The following SH3D19 variants were observed in gnomAD, a reference collection of about 807,000 sequenced individuals.
SH3D19 encodes the protein SH3 domain-containing protein 19.
SH3D19 carries 58 observed loss-of-function variants against 112.1 expected under a neutral mutation model. The observed-to-expected ratio is 0.52, with a 90% CI of 0.42 to 0.64. The LOEUF (loss-of-function observed/expected upper bound fraction) is 0.64, where lower values mean the gene tolerates loss of function less well. Among genes scored for constraint, SH3D19 ranks in the 30% least tolerant of loss-of-function variants. The pLI is 0.00. For missense variants in SH3D19, 1,090 were observed against 1,263.4 expected (o/e 0.86, Z 2.08); for synonymous variants, 391 against 448.5 (o/e 0.87, Z 1.62).
At chr4:151,152,707 C>T (rs1473568032) in intron 9 of SH3D19, among the ~76,000 whole-genome samples, 11 of 149,094 alleles carry the variant, frequency 7.4e-5, no homozygotes, top group African/African-American at 2.0e-4. Flanking sequence ...TTAGTAGAGA[C>T]GGGGTTTCAC....
At chr4:151,244,091 C>A (rs1770753828) in intron 1 of SH3D19, among the ~76,000 whole-genome samples, 1 of 152,110 alleles carries the variant, frequency 6.6e-6, no homozygotes, top group Non-Finnish European at 1.5e-5. Context: ...TGGCTATTAG[C>A]CCCTGAATTT....
At chr4:151,145,672 G>A (rs1426549903) in intron 11 of SH3D19, among the ~76,000 whole-genome samples, 1 of 152,172 alleles carries the variant, frequency 6.6e-6, no homozygotes, top group Non-Finnish European at 1.5e-5. Flanking sequence ...TGCGTGACAA[G>A]AACCAAATGT....
In SH3D19 at chr4:151,135,127, A is replaced by G. The variant is rs1449737973; in HGVS notation, c.2433T>C (p.Asp811=). 6.2e-7 allele frequency: 1 copy of G among 1,603,116 alleles called. No homozygotes were observed. Among genetic ancestry groups the G allele is most frequent in the South Asian group, 1.1e-5 (1 of 89,130 alleles). Residue 811 remains aspartate (D), a synonymous_variant, in exon 15 of 20, where the codon GAT becomes GAC. Coordinates refer to ENST00000604030, the MANE Select transcript of SH3D19 (RefSeq NM_001378122.1). ...FPANYVKVII[D]IPEGGNGKRE... ...TTTTCCCATTTCCTCCTTCTGGGATATCAATCTAGCAAAGATAAAATCAAG... is the reference window on the plus strand; with the variant it reads ...TTTTCCCATTTCCTCCTTCTGGGATGTCAATCTAGCAAAGATAAAATCAAG...
chr4:151,217,629 A>T (rs1268621265), intron 2 of SH3D19, among the ~76,000 whole-genome samples: 1 of 152,168 alleles, frequency 6.6e-6, no homozygotes. Context: ...AAATTTAAAA[A>T]CTTAAAAGTA....
intron 1 of SH3D19, among the ~76,000 whole-genome samples, chr4:151,259,056 T>G (rs1245374668): frequency 6.6e-6 from 1 of 152,046 alleles, no homozygotes; most frequent in African/African-American, 2.4e-5. Context: ...GCCTCCCATA[T>G]TCCCCATTCT....
chr4:151,211,550 C>T (rs1378965987), intron 2 of SH3D19, among the ~76,000 whole-genome samples: 2 of 149,400 alleles, frequency 1.3e-5, no homozygotes, highest in South Asian at 2.1e-4. Flanking sequence ...AGGCCTCTTC[C>T]ACCACACATT....
chr4:151,281,099 G>A (rs936068245), intron 1 of SH3D19, among the ~76,000 whole-genome samples: 8 of 148,474 alleles, frequency 5.4e-5, no homozygotes, highest in Non-Finnish European at 1.2e-4. Context: ...AAAGGATAAA[G>A]AAAGTGCCAA....
intron 1 of SH3D19, among the ~76,000 whole-genome samples, chr4:151,296,583 T>C (rs144287880): frequency 0.011 from 1,629 of 152,234 alleles, 31 homozygotes; most frequent in African/African-American, 0.037. Flanking sequence ...ACACCACAAA[T>C]GAGGAGGAAA....
chr4:151,303,943 A>ATT (rs397717601), intron 1 of SH3D19, among the ~76,000 whole-genome samples: 10 of 146,604 alleles, frequency 6.8e-5, no homozygotes, highest in East Asian at 2.0e-4. Context: ...TTGCTCTCTC[A>ATT]TTTTTTTTTT....
intron 12 of SH3D19, among the ~76,000 whole-genome samples, chr4:151,141,469 A>G (rs1752972908): frequency 1.3e-5 from 2 of 152,122 alleles, no homozygotes; most frequent in Non-Finnish European, 2.9e-5. Context: ...AACATAAGAA[A>G]TGCCATATCT....
At chr4:151,300,420 TAGA>T (rs1161476228) in intron 1 of SH3D19, 2 of 152,008 alleles carry the variant, frequency 1.3e-5, no homozygotes, top group Admixed American at 6.6e-5. Context: ...AAAAAATTTC[TAGA>T]AGATTATATT....
At chr4:151,154,481 T>C (rs1437715608) in intron 9 of SH3D19, among the ~76,000 whole-genome samples, 1 of 151,958 alleles carries the variant, frequency 6.6e-6, no homozygotes, top group Non-Finnish European at 1.5e-5. Context: ...GGTTTCACCA[T>C]GTTGGCCAGG....
At chr4:151,270,567 C>T (rs1773159448) in intron 1 of SH3D19, among the ~76,000 whole-genome samples, 1 of 152,096 alleles carries the variant, frequency 6.6e-6, no homozygotes, top group African/African-American at 2.4e-5. Flanking sequence ...AATGGCCTGC[C>T]ACATATGTAC....
At chr4:151,277,146 G>A in intron 1 of SH3D19, 1 of 1,393,270 alleles carries the variant, frequency 7.2e-7, no homozygotes, top group East Asian at 2.7e-5. Flanking sequence ...GAAGCAGGAA[G>A]CGCTCACTGG....
chr4:151,142,782 T>C (rs945026976), intron 12 of SH3D19, among the ~76,000 whole-genome samples: 1 of 151,982 alleles, frequency 6.6e-6, no homozygotes, highest in African/African-American at 2.4e-5. Context: ...GTAAGTTTTA[T>C]TTAAAAAAAA....
chr4:151,161,644 T>TTTTTTA (rs58967463), intron 8 of SH3D19, among the ~76,000 whole-genome samples: 2 of 148,506 alleles, frequency 1.3e-5, no homozygotes, highest in South Asian at 2.1e-4. Flanking sequence ...ATATATATTT[T>TTTTTTA]AATTATACTT....
intron 2 of SH3D19, among the ~76,000 whole-genome samples, chr4:151,225,207 A>T (rs544510306): frequency 1.3e-5 from 2 of 152,244 alleles, no homozygotes; most frequent in Non-Finnish European, 2.9e-5. Context: ...CAGAGCAGTC[A>T]ATCCAATGAG....
chr4:151,254,281 T>C (rs967043074), intron 1 of SH3D19, among the ~76,000 whole-genome samples: 13 of 145,288 alleles, frequency 8.9e-5, no homozygotes, highest in Non-Finnish European at 1.5e-4. Context: ...ATACCTTGAA[T>C]TATTATTTTT....
At chr4:151,178,586 A>G (rs1261575527) in intron 4 of SH3D19, among the ~76,000 whole-genome samples, 1 of 152,182 alleles carries the variant, frequency 6.6e-6, no homozygotes, top group African/African-American at 2.4e-5. Context: ...TATGATTAGC[A>G]CCATTTTAAA....
Sources: gnomAD v4.1 joint callset for allele counts (sites outside exome capture counted in the v4.1 genomes callset) on GRCh38, gnomAD v4.1.1 for gene constraint, MANE v1.5 for transcripts, NCBI Gene and HGNC (gene_info 2026-07-23, HGNC 2026-07-21) for gene names.